Variants in HDAC9 observed in about 807,000 individuals in gnomAD.
HDAC9 encodes MEF-2 interacting transcription repressor (MITR) protein.
Under a neutral mutation model 139.4 loss-of-function variants are expected in HDAC9, and 41 were observed. The ratio of observed to expected loss-of-function variants is 0.29; its 90% CI spans 0.23 to 0.38. The LOEUF is 0.38. Ranked by LOEUF, HDAC9 falls within the 10% of genes least tolerant of loss-of-function variation. HDAC9 has a pLI of 1.00. For synonymous variants in HDAC9, 517 were observed against 476.2 expected (o/e 1.09, Z -1.12); for missense variants, 1,147 against 1,297.0 (o/e 0.88, Z 1.78).
rs776333855 is a variant in HDAC9, at chr7:18,835,954, C to T, written c.2641C>T (p.Leu881Phe). 6.4e-7 allele frequency: 1 copy of T among 1,566,394 alleles called. No homozygotes were observed. Among genetic ancestry groups the T allele is most frequent in the Non-Finnish European group, 8.7e-7 (1 of 1,153,898 alleles). The change falls in exon 21 of 26, where the codon CTT becomes TTT. Residue 881 changes from leucine (L) to phenylalanine (F), a missense_variant. Leu to Phe is a conservative substitution (Grantham distance 22, BLOSUM62 0). Around this residue, in one of 7 missense-constraint regions of HDAC9, gnomAD observed 407 missense variants for 521.5 expected, o/e 0.78. Coordinates refer to ENST00000686413, the MANE Select transcript of HDAC9 (RefSeq NM_178425.4). ...TATAAATATTGCCTGGACAGGTGGC[C>T]TTGATCCTCCCATGGGAGATGTTGA... ...YNINIAWTGGLDPPMGDVEYL... is the reference protein window; with the variant it reads ...YNINIAWTGGFDPPMGDVEYL...
At chr7:18,656,919 C>G (rs1198627459) in intron 11 of HDAC9, among the ~76,000 whole-genome samples, 2 of 152,056 alleles carry the variant, frequency 1.3e-5, no homozygotes, top group African/African-American at 4.8e-5. Flanking sequence ...TACGACGGTT[C>G]CCCTTTCTCC....
chr7:18,883,720 T>C (rs769146220), intron 22 of HDAC9, among the ~76,000 whole-genome samples: 26 of 152,050 alleles, frequency 1.7e-4, no homozygotes, highest in Non-Finnish European at 2.9e-4. Context: ...ATGAAGGGCA[T>C]CCAAATTGGA....
chr7:18,258,446 A>G (rs771466143), intron 2 of HDAC9, among the ~76,000 whole-genome samples: 22 of 152,112 alleles, frequency 1.4e-4, no homozygotes, highest in Non-Finnish European at 2.6e-4. Flanking sequence ...AGCAATGTAC[A>G]CTGTACCCAG....
intron 22 of HDAC9, among the ~76,000 whole-genome samples, chr7:18,890,660 TTGA>T (rs1237542646): frequency 2.6e-5 from 4 of 152,246 alleles, no homozygotes; most frequent in African/African-American, 7.2e-5. Flanking sequence ...AACGTTTCTG[TTGA>T]TGATTGGAAT....
At chr7:18,391,573 A>T (rs977034369) in intron 1 of HDAC9, among the ~76,000 whole-genome samples, 1 of 152,212 alleles carries the variant, frequency 6.6e-6, no homozygotes, top group African/African-American at 2.4e-5. Flanking sequence ...TTTTGTTCAC[A>T]TAACATATTA....
chr7:18,719,785 A>G (rs573327471), intron 12 of HDAC9, among the ~76,000 whole-genome samples: 1 of 152,200 alleles, frequency 6.6e-6, no homozygotes, highest in African/African-American at 2.4e-5. Flanking sequence ...ACTTTTGTGT[A>G]TGGCATGAGG....
intron 25 of HDAC9, among the ~76,000 whole-genome samples, chr7:18,987,664 C>G (rs1251637608): frequency 6.6e-6 from 1 of 152,100 alleles, no homozygotes; most frequent in African/African-American, 2.4e-5. Flanking sequence ...CCTTGTACCT[C>G]TGGTAGAATT....
chr7:18,993,618 A>G (rs1374449301), intron 25 of HDAC9, among the ~76,000 whole-genome samples: 1 of 148,400 alleles, frequency 6.7e-6, no homozygotes, highest in Non-Finnish European at 1.5e-5. Context: ...CCTGGGCAAC[A>G]TAGCAAGACC....
intron 24 of HDAC9, among the ~76,000 whole-genome samples, chr7:18,962,537 CA>C (rs1783594250): frequency 6.6e-6 from 1 of 151,940 alleles, no homozygotes; most frequent in African/African-American, 2.4e-5. Flanking sequence ...ACTGCGTCTG[CA>C]ATTTTTTTTT....
intron 21 of HDAC9, among the ~76,000 whole-genome samples, chr7:18,855,326 G>A (rs555019957): frequency 1.4e-4 from 22 of 152,250 alleles, no homozygotes; most frequent in South Asian, 4.1e-4. Context: ...TTGACTGATT[G>A]ATTAGTGGCC....
chr7:18,443,843 T>C (rs376538238), intron 1 of HDAC9, among the ~76,000 whole-genome samples: 7 of 151,740 alleles, frequency 4.6e-5, no homozygotes, highest in East Asian at 1.9e-4. Context: ...TGTATAAACA[T>C]TTGTATATAC....
chr7:18,410,987 A>G (rs1034678758), intron 1 of HDAC9, among the ~76,000 whole-genome samples: 6 of 152,230 alleles, frequency 3.9e-5, no homozygotes, highest in Non-Finnish European at 8.8e-5. Context: ...TGGGAATCAA[A>G]GCCTAGTTTT....
chr7:18,671,385 T>C (rs1795668633), intron 12 of HDAC9, among the ~76,000 whole-genome samples: 2 of 151,968 alleles, frequency 1.3e-5, no homozygotes, highest in Non-Finnish European at 2.9e-5. Flanking sequence ...TTTTCAAGCC[T>C]TTTGAAGAGT....
At chr7:18,374,251 T>TTA (rs906663750) in intron 1 of HDAC9, among the ~76,000 whole-genome samples, 4 of 151,002 alleles carry the variant, frequency 2.6e-5, no homozygotes, top group African/African-American at 7.3e-5. Context: ...AGTTTAGAAG[T>TTA]TATATATATA....
In HDAC9 at chr7:18,180,226, TACACACACAC is replaced by T. The variant is rs67304424; in HGVS notation, c.25+17916_25+17925del. On this transcript the variant is annotated intron_variant, in intron 2 of 12. Coordinates refer to the HDAC9 transcript ENST00000417496. ...TTGTGAGCACCCTCCCCAAGACACA[TACACACACAC>T]ACACACACACACACACACACACACA... is the stretch of plus-strand genomic sequence containing the variant. Among the ~76,000 whole-genome samples the T allele has an allele frequency of 1.5e-3, 187 of 120,696 alleles. 2 individuals are homozygous for T. In the East Asian group the frequency reaches 0.023, roughly 15 times the overall value. 79.2% of individuals were successfully genotyped at this position (120,696 alleles called of 152,430 possible). A position where few individuals can be genotyped will look rare whatever the true frequency, so the allele number is the denominator to read the frequency against.
intron 1 of HDAC9, among the ~76,000 whole-genome samples, chr7:18,341,242 GCA>G (rs1781986260): frequency 2.7e-5 from 4 of 150,852 alleles, no homozygotes; most frequent in Admixed American, 2.6e-4. Context: ...GTTTGTGTGT[GCA>G]CACACACATG....
chr7:18,996,049 A>G lies in HDAC9; in HGVS notation c.3197A>G (p.Glu1066Gly), dbSNP rs748787375. The change falls in exon 26 of 26, where the codon GAG becomes GGG. Residue 1066 changes from glutamate to glycine, a missense_variant. Glu to Gly is a moderately conservative substitution (Grantham distance 98). Transcript: ENST00000686413. ...ACTGCTGGTGAGCCTATGGAAGAGG[A>G]GCCAGCCTTGTGAAGTGCCAAGTCC... The part of the protein sequence containing the change: ...SRTAGEPMEE[E>G]PAL 6.7e-5 allele frequency: 108 copies of G among 1,605,742 alleles called. 4 individuals carry two copies. The South Asian group carries it at 1.2e-3, about 18-fold the overall frequency.
intron 1 of HDAC9, among the ~76,000 whole-genome samples, chr7:18,130,652 C>T (rs1218555123): frequency 2.6e-5 from 4 of 152,130 alleles, no homozygotes; most frequent in African/African-American, 7.2e-5. Context: ...GCTGTCACCC[C>T]TAAATCCCTC....
At chr7:18,826,213 T>C (rs1454818493) in intron 17 of HDAC9, among the ~76,000 whole-genome samples, 1 of 152,050 alleles carries the variant, frequency 6.6e-6, no homozygotes, top group Non-Finnish European at 1.5e-5. Flanking sequence ...TACAAGAAAG[T>C]ATTGTGGGGG....
Sources: gnomAD v4.1 joint callset for allele counts (sites outside exome capture counted in the v4.1 genomes callset) on GRCh38, gnomAD v4.1.1 for gene constraint, gnomAD v4.1.1 regional missense constraint, MANE v1.5 for transcripts, NCBI Gene and HGNC (gene_info 2026-07-23, HGNC 2026-07-21) for gene names.